Variants in XAGE5 observed in about 807,000 individuals in gnomAD.
XAGE5 encodes the protein G antigen, family D, 5.
A neutral mutation model predicts 13.1 loss-of-function variants in XAGE5; 13 were observed. The ratio of observed to expected loss-of-function variants is 0.99; its 90% CI spans 0.64 to 1.57. XAGE5 has a LOEUF of 1.57. Among genes scored for constraint, XAGE5 ranks in the 40% most tolerant of loss-of-function variants. XAGE5 has a pLI of 0.00. For missense variants in XAGE5, 86 were observed against 77.6 expected, an observed-to-expected ratio of 1.11 and a Z score of -0.41; for synonymous variants, 17 against 25.0, an observed-to-expected ratio of 0.68 and a Z score of 0.96.
intron 5 of XAGE5, among the ~76,000 whole-genome samples, chrX:52,815,714 G>C (rs1186348948): frequency 1.8e-5 from 2 of 112,121 alleles, no homozygotes; most frequent in Non-Finnish European, 3.8e-5. Context: ...ACATGCTCTG[G>C]TTCTGTTGGA....
intron 5 of XAGE5, among the ~76,000 whole-genome samples, chrX:52,816,039 G>T (rs1184247386): frequency 2.7e-5 from 3 of 111,892 alleles, no homozygotes; most frequent in African/African-American, 9.8e-5. Flanking sequence ...CGCCTCCCGG[G>T]TTCAAGCGAT....
At chrX:52,813,987 A>G (rs1356398361) in intron 4 of XAGE5, among the ~76,000 whole-genome samples, 1 of 111,649 alleles carries the variant, frequency 9.0e-6, no homozygotes, top group Non-Finnish European at 1.9e-5. Flanking sequence ...TTGGTGACAC[A>G]GCGAGACTCC....
At chrX:52,814,638 T>C (rs1358541909) in intron 4 of XAGE5, among the ~76,000 whole-genome samples, 2 of 111,896 alleles carry the variant, frequency 1.8e-5, no homozygotes, top group Non-Finnish European at 3.8e-5. Context: ...ACTTTTTTTC[T>C]TAATGACATT....
Position 52,817,478 on chromosome X carries a change from A to G in XAGE5, c.305-713A>G, listed in dbSNP as rs782178842. Among the ~76,000 whole-genome samples, 208 of 111,857 alleles carry G rather than the reference A, an allele frequency of 1.9e-3. 6 individuals carry two copies. In the South Asian group the frequency reaches 0.076, roughly 41 times the overall value. On this transcript the variant is annotated intron_variant, in intron 5 of 5. Coordinates refer to ENST00000375501, the MANE Select transcript of XAGE5 (RefSeq NM_001386970.1). ...TATGACCATTTAATTAATTGTACAAACGGGAATAGTTTCCAGTGAAAAAAG... is the reference window on the plus strand; with the variant it reads ...TATGACCATTTAATTAATTGTACAAGCGGGAATAGTTTCCAGTGAAAAAAG...
At chrX:52,814,569 T>G (rs1334371221) in intron 4 of XAGE5, among the ~76,000 whole-genome samples, 1 of 112,230 alleles carries the variant, frequency 8.9e-6, no homozygotes, top group African/African-American at 3.2e-5. Flanking sequence ...CATTAATTTC[T>G]TTGCACTTCA....
chrX:52,816,760 T>G (rs1385549891), intron 5 of XAGE5, among the ~76,000 whole-genome samples: 2 of 111,839 alleles, frequency 1.8e-5, no homozygotes. Context: ...CATCAATAGA[T>G]AGTTTGTAGA....
chrX:52,818,192 G>A lies in XAGE5; in HGVS notation c.306G>A (p.Gly102=). 8.3e-7 allele frequency: 1 copy of A among 1,210,935 alleles called. No individual in the cohort carries two copies. Among genetic ancestry groups the A allele is most frequent in the South Asian group, 1.8e-5 (1 of 56,896 alleles). The part of the protein sequence containing the change: ...KSEQFKMPEG[G]EGKPQL ...CCTCCTGTTATGTTTCTATTGCAGG[G>A]GAAGGGAAACCACAGCTTTAAACGA... The change falls in exon 6 of 6, where the codon GGG becomes GGA. Residue 102 remains glycine (G), a splice_region_variant and synonymous_variant. Coordinates refer to ENST00000375501, the MANE Select transcript of XAGE5 (RefSeq NM_001386970.1).
At position 52,813,231 on chromosome X, in the gene XAGE5, C is replaced by A. The variant is rs1926838756; in HGVS notation, c.164C>A (p.Ala55Glu). ...PGQKREDDQG[A>E]AEIQVPNLEA... ...CAGAAGAGAGAAGATGATCAGGGTG[C>A]AGCTGAGATTCAAGGTGCTGGGAAG... The change falls in exon 4 of 6, where the codon GCA (alanine) becomes GAA (glutamate). Residue 55 changes from alanine (A) to glutamate (E), a missense_variant. Ala to Glu is a moderately radical substitution (Grantham distance 107). Coordinates refer to ENST00000375501, the MANE Select transcript of XAGE5 (RefSeq NM_001386970.1). The A allele has an allele frequency of 8.3e-7, 1 of 1,209,503 alleles. No individual in the cohort carries two copies. Among genetic ancestry groups the A allele is most frequent in the Non-Finnish European group, 1.1e-6 (1 of 894,080 alleles).
chrX:52,813,315 T>C, intron 4 of XAGE5, 70 bp downstream of exon 4: 1 of 982,122 alleles, frequency 1.0e-6, no homozygotes, highest in Non-Finnish European at 1.4e-6. Context: ...CCTTATGCCA[T>C]GACCAGTAAC....
At chrX:52,814,195 C>T (rs782635991) in intron 4 of XAGE5, 15 of 326,893 alleles carry the variant, frequency 4.6e-5, no homozygotes, top group Admixed American at 1.6e-4. Context: ...TAAGGTACTT[C>T]GATATTGGCT....
chrX:52,813,272 C>G, intron 4 of XAGE5, 27 bp downstream of exon 4: 1 of 1,176,413 alleles, frequency 8.5e-7, no homozygotes, highest in Non-Finnish European at 1.2e-6. Flanking sequence ...GAAGGAATGT[C>G]TATGGGGGGA....
chrX:52,815,075 T>A lies in XAGE5; in HGVS notation c.179-17T>A. On this transcript the variant is annotated splice_polypyrimidine_tract_variant and intron_variant, in intron 4 of 5. Transcript: ENST00000375501. The stretch of plus-strand genomic sequence containing the variant: ...TCTGGTTTGGCTGCTCCAGTCCATA[T>A]CCTTGGTATTTTTCAGTGCCTAACC... 8.3e-7 allele frequency: 1 copy of A among 1,210,706 alleles called. No individual in the cohort carries two copies.
At position 52,811,606 on chromosome X, in the gene XAGE5, G is replaced by C. The variant is rs1926797740; in HGVS notation, c.-122G>C. On this transcript the variant is annotated 5_prime_UTR_variant, in exon 2 of 6. Transcript: ENST00000375501. ...GTGCGACGGGGGTTAGGTGAAGCTG[G>C]GGCAATGCTGGGGTGCTGTTGGTGG... Among the ~76,000 whole-genome samples, 1 of 110,766 alleles carries C rather than the reference G, an allele frequency of 9.0e-6. No homozygotes were observed. The highest frequency in any genetic ancestry group is 1.9e-5 in the Non-Finnish European group (1 of 52,892).
At chrX:52,811,473 C>T (rs1556777289) in intron 1 of XAGE5, among the ~76,000 whole-genome samples, 61 bp downstream of exon 1, 1 of 111,501 alleles carries the variant, frequency 9.0e-6, no homozygotes, top group East Asian at 2.8e-4. Flanking sequence ...TGATTGGTGA[C>T]TCCGAGTGAG....
intron 4 of XAGE5, among the ~76,000 whole-genome samples, chrX:52,813,757 C>A (rs1421579600): frequency 6.3e-5 from 7 of 111,624 alleles, no homozygotes; most frequent in Non-Finnish European, 1.3e-4. Flanking sequence ...AATCCCTGCA[C>A]TTTGGGAGGC....
At chrX:52,812,338 A>G in intron 2 of XAGE5, 2 of 362,178 alleles carry the variant, frequency 5.5e-6, no homozygotes, top group Non-Finnish European at 9.6e-6. Context: ...CAATGGTGCA[A>G]TCTCGGCTGG....
At chrX:52,814,545 C>G (rs181597990) in intron 4 of XAGE5, among the ~76,000 whole-genome samples, 1 of 112,147 alleles carries the variant, frequency 8.9e-6, no homozygotes, top group East Asian at 2.8e-4. Flanking sequence ...CAGAATATGA[C>G]TGTCAACAAT....
intron 3 of XAGE5, 64 bp from the exon 4 acceptor site, chrX:52,813,076 T>C (rs1926831289): frequency 1.2e-6 from 1 of 837,405 alleles, no homozygotes; most frequent in East Asian, 3.2e-5. Flanking sequence ...ATTATTGACA[T>C]GCATTGATAA....
chrX:52,813,861 G>A (rs1926852010), intron 4 of XAGE5, among the ~76,000 whole-genome samples: 1 of 111,133 alleles, frequency 9.0e-6, no homozygotes. Context: ...GAATTAGTTG[G>A]GCATGGTGGC....
Sources: gnomAD v4.1 joint callset for allele counts (sites outside exome capture counted in the v4.1 genomes callset) on GRCh38, gnomAD v4.1.1 for gene constraint, MANE v1.5 for transcripts, NCBI Gene and HGNC (gene_info 2026-07-23, HGNC 2026-07-21) for gene names.